SDCCAG8: variants seen among roughly 807,000 people sequenced by gnomAD.
The protein encoded by SDCCAG8 is serologically defined colon cancer antigen 8.
In SDCCAG8, 74 loss-of-function variants were observed where a neutral mutation model predicts 101.8. The ratio of observed to expected loss-of-function variants is 0.73; its 90% CI spans 0.60 to 0.88. The LOEUF (loss-of-function observed/expected upper bound fraction) is 0.88. SDCCAG8 is among the 40% of genes least tolerant of loss of function. The pLI, the probability that SDCCAG8 is intolerant of heterozygous loss-of-function variation, is 0.00. For missense variants in SDCCAG8, 787 were observed against 822.6 expected (o/e 0.96, Z 0.53); for synonymous variants, 281 against 292.9 (o/e 0.96, Z 0.41).
At chr1:243,268,437 A>G (rs1049601390) in intron 1 of SDCCAG8, among the ~76,000 whole-genome samples, 12 of 152,224 alleles carry the variant, frequency 7.9e-5, no homozygotes, top group African/African-American at 2.9e-4. Context: ...CCTTAAACTC[A>G]TGATGAGTCA....
intron 1 of SDCCAG8, among the ~76,000 whole-genome samples, chr1:243,264,562 C>T (rs566131493): frequency 6.6e-6 from 1 of 151,830 alleles, no homozygotes; most frequent in Non-Finnish European, 1.5e-5. Flanking sequence ...TGCAGTGAGC[C>T]GAGATTGCAC....
At position 243,381,431 on chromosome 1, in the gene SDCCAG8, A is replaced by C. The variant is rs1217006010; in HGVS notation, c.1616+2568A>C. Among the ~76,000 whole-genome samples the C allele has an allele frequency of 2.0e-5, 3 of 152,072 alleles. No homozygotes were observed. The East Asian group carries it at 5.8e-4, about 29-fold the overall frequency. On this transcript the variant is annotated intron_variant, in intron 13 of 17. Coordinates refer to ENST00000366541, the MANE Select transcript of SDCCAG8 (RefSeq NM_006642.5). Reference sequence around the variant, plus strand: ...CAATGAGACCCCATCTCTACAAAAAAACAAAAAATATTAGTCAGGCATGGT... The same window carrying C: ...CAATGAGACCCCATCTCTACAAAAACACAAAAAATATTAGTCAGGCATGGT...
chr1:243,326,819 A>C (rs1010237676), intron 9 of SDCCAG8, among the ~76,000 whole-genome samples: 16 of 152,190 alleles, frequency 1.1e-4, no homozygotes, highest in African/African-American at 3.9e-4. Context: ...CTTTTATATG[A>C]TCTACAATAG....
intron 12 of SDCCAG8, among the ~76,000 whole-genome samples, chr1:243,356,726 C>T (rs184527656): frequency 7.8e-4 from 119 of 152,070 alleles, no homozygotes; most frequent in African/African-American, 2.6e-3. Flanking sequence ...GGCTTACTCC[C>T]GTAATCTTAG....
Position 243,273,366 on chromosome 1 carries a change from TA to T in SDCCAG8, c.307-1167del, listed in dbSNP as rs567283773. Among the ~76,000 whole-genome samples, 183 of 150,512 alleles carry T rather than the reference TA, an allele frequency of 1.2e-3. 2 individuals are homozygous for T. Among genetic ancestry groups the T allele is most frequent in the South Asian group, 8.1e-3 (39 of 4,794 alleles). ...ACCTTTTCCTGATTTCCTCATCCTT[TA>T]AAAAAAAAATTATGTGATGGGTATA... On this transcript the variant is annotated intron_variant, in intron 3 of 17. Coordinates refer to ENST00000366541, the MANE Select transcript of SDCCAG8 (RefSeq NM_006642.5).
chr1:243,291,796 A>G (rs748990244), intron 5 of SDCCAG8, among the ~76,000 whole-genome samples: 44 of 152,140 alleles, frequency 2.9e-4, no homozygotes, highest in Non-Finnish European at 5.9e-4. Flanking sequence ...ACAGTATCAG[A>G]CCCACAGGTT....
chr1:243,402,344 C>G (rs755289544), intron 13 of SDCCAG8, among the ~76,000 whole-genome samples: 1 of 150,064 alleles, frequency 6.7e-6, no homozygotes, highest in Non-Finnish European at 1.5e-5. Context: ...ACAGGATAAT[C>G]GCTTGAACCC....
chr1:243,472,194 T>G (rs1463177380), intron 16 of SDCCAG8, among the ~76,000 whole-genome samples: 1 of 152,252 alleles, frequency 6.6e-6, no homozygotes, highest in Admixed American at 6.5e-5. Context: ...CTGCCTCCTC[T>G]CTGGGGTAGA....
chr1:243,378,328 G>A (rs145986759), intron 12 of SDCCAG8, among the ~76,000 whole-genome samples: 22 of 151,754 alleles, frequency 1.4e-4, no homozygotes, highest in Non-Finnish European at 2.1e-4. Context: ...TTATCTTTTA[G>A]AATAAAAAGT....
intron 16 of SDCCAG8, 93 bp from the exon 17 acceptor site, chr1:243,488,921 C>T: frequency 6.3e-7 from 1 of 1,588,466 alleles, no homozygotes; most frequent in Admixed American, 1.7e-5. Flanking sequence ...TCATGGTTCC[C>T]TATCAGGGGC....
intron 7 of SDCCAG8, chr1:243,305,862 G>T (rs1361918571): frequency 6.6e-6 from 1 of 152,204 alleles, no homozygotes; most frequent in East Asian, 1.9e-4. Flanking sequence ...GCCAAGGCGG[G>T]TGGATCATTT....
intron 13 of SDCCAG8, among the ~76,000 whole-genome samples, chr1:243,393,643 T>C (rs532898565): frequency 1.3e-5 from 2 of 152,316 alleles, no homozygotes; most frequent in South Asian, 4.1e-4. Flanking sequence ...ACCTTGATTT[T>C]TGCTGTTTGT....
At chr1:243,261,787 T>G (rs926263741) in intron 1 of SDCCAG8, among the ~76,000 whole-genome samples, 1 of 151,786 alleles carries the variant, frequency 6.6e-6, no homozygotes, top group Non-Finnish European at 1.5e-5. Flanking sequence ...ACATGAGGGG[T>G]TTTTTGCTGA....
At chr1:243,327,389 T>A in intron 9 of SDCCAG8, among the ~76,000 whole-genome samples, 2 of 61,522 alleles carry the variant, frequency 3.3e-5, no homozygotes, top group Admixed American at 4.2e-4. Context: ...AAAATTATAA[T>A]TTATAATTTT....
chr1:243,268,948 G>T lies in SDCCAG8; in HGVS notation c.68-1157G>T, dbSNP rs1020886045. 1.2e-4 allele frequency among the ~76,000 whole-genome samples: 19 copies of T among 152,138 alleles called. 1 individual carries two copies. Among genetic ancestry groups the T allele is most frequent in the African/African-American group, 4.6e-4 (19 of 41,488 alleles). Reference sequence around the variant, plus strand: ...GGGGAGGGCTTTTCTCTTTCTTCGTGCCTCTGGTGCTGGAGTCCTCTGGAG... The same window carrying T: ...GGGGAGGGCTTTTCTCTTTCTTCGTTCCTCTGGTGCTGGAGTCCTCTGGAG... On this transcript the variant is annotated intron_variant, in intron 1 of 17. Coordinates refer to ENST00000366541, the MANE Select transcript of SDCCAG8 (RefSeq NM_006642.5).
chr1:243,279,466 A>G (rs1222003960), intron 4 of SDCCAG8, among the ~76,000 whole-genome samples: 1 of 152,242 alleles, frequency 6.6e-6, no homozygotes, highest in Non-Finnish European at 1.5e-5. Flanking sequence ...AGAATATTAT[A>G]CTACATATTG....
intron 5 of SDCCAG8, among the ~76,000 whole-genome samples, chr1:243,289,399 T>C (rs2149290129): frequency 6.6e-6 from 1 of 152,284 alleles, no homozygotes; most frequent in East Asian, 1.9e-4. Flanking sequence ...CAAATGTTAA[T>C]CTCTTTTAGC....
intron 13 of SDCCAG8, among the ~76,000 whole-genome samples, chr1:243,413,886 A>C (rs865800801): frequency 3.5e-4 from 53 of 152,192 alleles, no homozygotes; most frequent in African/African-American, 1.1e-3. Flanking sequence ...TTTTTCTAAC[A>C]CGTCTGAAAA....
intron 10 of SDCCAG8, among the ~76,000 whole-genome samples, chr1:243,339,868 T>C (rs2075282535): frequency 6.6e-6 from 1 of 152,210 alleles, no homozygotes; most frequent in Non-Finnish European, 1.5e-5. Flanking sequence ...TTAAAATGTG[T>C]CACCAGTTCT....
Sources: gnomAD v4.1 joint callset for allele counts (sites outside exome capture counted in the v4.1 genomes callset) on GRCh38, gnomAD v4.1.1 for gene constraint, MANE v1.5 for transcripts, NCBI Gene and HGNC (gene_info 2026-07-23, HGNC 2026-07-21) for gene names.